Variants in LMAN1L observed in about 807,000 individuals in gnomAD.
LMAN1L encodes protein ERGIC-53-like.
Under a neutral mutation model 58.3 loss-of-function variants are expected in LMAN1L, and 60 were observed. The ratio of observed to expected loss-of-function variants is 1.03; its 90% CI spans 0.84 to 1.27. The LOEUF (loss-of-function observed/expected upper bound fraction) is 1.27, where lower values mean the gene tolerates loss of function less well. Ranked by LOEUF, LMAN1L falls within the 50% of genes most tolerant of loss-of-function variation. The pLI is 0.00. For missense variants in LMAN1L, 629 were observed against 674.0 expected (o/e 0.93, Z 0.74); for synonymous variants, 280 against 271.6 (o/e 1.03, Z -0.31).
rs972253392 is a variant in LMAN1L, at chr15:74,818,029, AGAG to A, written c.498-688_498-686del. On this transcript the variant is annotated intron_variant, in intron 4 of 13. Coordinates refer to ENST00000309664, the MANE Select transcript of LMAN1L (RefSeq NM_021819.3). ...CTCCGTCTCAGAAAAAAAAAAAAAA[AGAG>A]AGAGAGAAGAAGGAGGGACGTAAGG... 2.5e-4 allele frequency among the ~76,000 whole-genome samples: 28 copies of A among 114,100 alleles called. No homozygotes were observed. In the East Asian group the frequency reaches 6.4e-3, roughly 26 times the overall value. The allele number at this position is 114,100 out of a possible 152,430, so 74.9% of individuals were successfully genotyped here. A position where few individuals can be genotyped will look rare whatever the true frequency, so the allele number is the denominator to read the frequency against.
intron 1 of LMAN1L, among the ~76,000 whole-genome samples, chr15:74,814,746 T>C (rs1424853251): frequency 6.6e-6 from 1 of 152,128 alleles, no homozygotes; most frequent in Non-Finnish European, 1.5e-5. Flanking sequence ...TGACCTCAGA[T>C]GATCCGCCTG....
chr15:74,821,461 C>T (rs2063916230), intron 9 of LMAN1L, among the ~76,000 whole-genome samples: 1 of 152,212 alleles, frequency 6.6e-6, no homozygotes, highest in African/African-American at 2.4e-5. Context: ...GCTATTTGGA[C>T]TCAGCTCTGT....
intron 1 of LMAN1L, among the ~76,000 whole-genome samples, chr15:74,813,855 A>C (rs1406774855): frequency 1.3e-5 from 2 of 152,170 alleles, no homozygotes; most frequent in East Asian, 1.9e-4. Flanking sequence ...GGCCAGGTGC[A>C]GTGGCTCACG....
chr15:74,825,588 G>A lies in LMAN1L; in HGVS notation c.1564G>A (p.Ala522Thr). 6.2e-7 allele frequency: 1 copy of A among 1,611,764 alleles called. No homozygotes were observed. Residue 522 changes from alanine (A) to threonine (T), a missense_variant, in exon 14 of 14, where the codon GCC becomes ACC. Ala to Thr is a moderately conservative substitution (Grantham distance 58). This residue lies in a region of LMAN1L where 53 missense variants were observed against 59.7 expected (regional missense o/e 0.89). Coordinates refer to ENST00000309664, the MANE Select transcript of LMAN1L (RefSeq NM_021819.3). Reference protein sequence around the residue: ...LGILRRQPLPASMPA With the variant: ...LGILRRQPLPTSMPA ...GATTCTGAGGAGGCAGCCTCTCCCT[G>A]CCAGCATGCCTGCCTGACCCACCTC...
chr15:74,819,521 A>T, intron 6 of LMAN1L: 1 of 534,604 alleles, frequency 1.9e-6, no homozygotes, highest in Non-Finnish European at 3.3e-6. Context: ...CAAGTGGAAG[A>T]CAGACAGCAA....
Position 74,818,829 on chromosome 15 carries a change from T to A in LMAN1L, c.597+12T>A. ...GGCAGAGGCTGCGCGTGAGTCACCC[T>A]TCCTGCTTCTGACAGGGCTCTGAGT... On this transcript the variant is annotated intron_variant, in intron 5 of 13. Coordinates refer to ENST00000309664, the MANE Select transcript of LMAN1L (RefSeq NM_021819.3). 1 of 1,595,654 alleles carries A rather than the reference T, an allele frequency of 6.3e-7. No homozygotes were observed. Among genetic ancestry groups the A allele is most frequent in the Non-Finnish European group, 8.5e-7 (1 of 1,170,198 alleles).
In LMAN1L at chr15:74,820,917, C is replaced by G. The variant is rs963164533; in HGVS notation, c.907+150C>G. On this transcript the variant is annotated intron_variant, in intron 8 of 13. Coordinates refer to ENST00000309664, the MANE Select transcript of LMAN1L (RefSeq NM_021819.3). Reference sequence around the variant, plus strand: ...CCTGGGCCCAAGTGTTCTGTGCTATCCCCACCTTACCACTCAGACTCATCT... The same window carrying G: ...CCTGGGCCCAAGTGTTCTGTGCTATGCCCACCTTACCACTCAGACTCATCT... 40 of 1,336,968 alleles carry G rather than the reference C, an allele frequency of 3.0e-5. No homozygotes were observed. The Middle Eastern group carries it at 7.7e-4, about 26-fold the overall frequency. The allele number at this position is 1,336,968 out of a possible 1,614,324, so 82.8% of individuals were successfully genotyped here.
At chr15:74,820,378 C>A in intron 7 of LMAN1L, 1 of 621,470 alleles carries the variant, frequency 1.6e-6, no homozygotes, top group Non-Finnish European at 2.8e-6. Flanking sequence ...GAGTCCCAAC[C>A]AGCCAGGGGG....
chr15:74,820,890 G>T, intron 8 of LMAN1L, 123 bp downstream of exon 8: 1 of 1,400,350 alleles, frequency 7.1e-7, no homozygotes, highest in Non-Finnish European at 9.6e-7. Flanking sequence ...ATCTAAGCAG[G>T]CCCTGGGCCC....
intron 12 of LMAN1L, 95 bp downstream of exon 12, chr15:74,823,777 T>TGACTTTGCCCTCCC (rs1700497530): frequency 3.4e-6 from 5 of 1,472,620 alleles, no homozygotes. Flanking sequence ...CAAGCCCTCC[T>TGACTTTGCCCTCCC]GCCTTTGCCC....
At chr15:74,817,023 T>G (rs1447412607) in intron 4 of LMAN1L, among the ~76,000 whole-genome samples, 1 of 152,168 alleles carries the variant, frequency 6.6e-6, no homozygotes, top group Non-Finnish European at 1.5e-5. Flanking sequence ...GGAAGGGATG[T>G]GCCGTGCGCA....
Position 74,816,454 on chromosome 15 carries a change from C to T in LMAN1L, c.358C>T (p.His120Tyr), listed in dbSNP as rs747461294. 2 of 1,553,396 alleles carry T rather than the reference C, an allele frequency of 1.3e-6. No homozygotes were observed. Among genetic ancestry groups the T allele is most frequent in the South Asian group, 1.2e-5 (1 of 81,380 alleles). Residue 120 changes from histidine to tyrosine, a missense_variant, in exon 3 of 14, where the codon CAT becomes TAT. Physicochemically the swap from His to Tyr is moderately conservative, Grantham distance 83. Coordinates refer to ENST00000309664, the MANE Select transcript of LMAN1L (RefSeq NM_021819.3). ...CGTGTGGTACACCCGGGGCAGGGGC[C>T]ATGTAGGCTCTGTCCTTGGGGGGCT... Reference protein sequence around the residue: ...MAVWYTRGRGHVGSVLGGLAS... With the variant: ...MAVWYTRGRGYVGSVLGGLAS...
intron 13 of LMAN1L, chr15:74,824,763 C>T (rs556194375): frequency 1.5e-5 from 5 of 342,544 alleles, no homozygotes; most frequent in South Asian, 1.2e-4. Flanking sequence ...TGAGGGGCTA[C>T]GAGAGTGCAG....
chr15:74,816,288 G>C lies in LMAN1L; in HGVS notation c.307G>C (p.Gly103Arg). The change falls in exon 2 of 14, where the codon GGG (glycine) becomes CGG (arginine). Residue 103 changes from glycine (G) to arginine (R), a missense_variant. Physicochemically the swap from Gly to Arg is moderately radical, Grantham distance 125. Coordinates refer to ENST00000309664, the MANE Select transcript of LMAN1L (RefSeq NM_021819.3). ...VEVQMRVTGL[G>R]RRGAQGMAVW... Reference sequence around the variant, plus strand: ...GGTGCAGATGAGGGTGACGGGACTGGGGCGCCGGGGAGCCCAGGGCATGGT... The same window carrying C: ...GGTGCAGATGAGGGTGACGGGACTGCGGCGCCGGGGAGCCCAGGGCATGGT... 6.2e-7 allele frequency: 1 copy of C among 1,612,354 alleles called. No individual in the cohort carries two copies. The highest frequency in any genetic ancestry group is 8.5e-7 in the Non-Finnish European group (1 of 1,179,698).
chr15:74,820,154 C>A, intron 7 of LMAN1L, 55 bp downstream of exon 7: 2 of 1,486,804 alleles, frequency 1.3e-6, no homozygotes, highest in African/African-American at 1.4e-5. Context: ...CTGCCCTCAC[C>A]CATGTCATGG....
At chr15:74,825,147 A>T (rs554904203) in intron 13 of LMAN1L, 1 of 194,356 alleles carries the variant, frequency 5.1e-6, no homozygotes, top group Admixed American at 5.3e-5. Flanking sequence ...GAATTTCAAG[A>T]CAAGAAGAGT....
intron 11 of LMAN1L, among the ~76,000 whole-genome samples, chr15:74,823,102 C>G (rs1428434457): frequency 6.6e-6 from 1 of 152,128 alleles, no homozygotes; most frequent in African/African-American, 2.4e-5. Flanking sequence ...TGGTTTTGTG[C>G]CCCCATTAAC....
At chr15:74,819,608 C>G in intron 6 of LMAN1L, 1 of 488,470 alleles carries the variant, frequency 2.0e-6, no homozygotes, top group Non-Finnish European at 3.6e-6. Context: ...AGCGGGAAAG[C>G]TGAGGGCAAC....
intron 8 of LMAN1L, 111 bp from the exon 9 acceptor site, chr15:74,820,964 C>T: frequency 7.3e-7 from 1 of 1,364,894 alleles, no homozygotes; most frequent in Non-Finnish European, 9.9e-7. Context: ...GTCTTGGAGG[C>T]AGCAGCCACA....
Sources: gnomAD v4.1 joint callset for allele counts (sites outside exome capture counted in the v4.1 genomes callset) on GRCh38, gnomAD v4.1.1 for gene constraint, gnomAD v4.1.1 regional missense constraint, MANE v1.5 for transcripts, NCBI Gene and HGNC (gene_info 2026-07-23, HGNC 2026-07-21) for gene names.